MACROD2: variants seen among roughly 807,000 people sequenced by gnomAD.
MACROD2 encodes mono-ADP ribosylhydrolase 2, also known as ADP-ribose glycohydrolase MACROD2.
Under a neutral mutation model 70.4 loss-of-function variants are expected in MACROD2, and 36 were observed. The ratio of observed to expected loss-of-function variants is 0.51; its 90% CI spans 0.39 to 0.68. The LOEUF is 0.68. Ranked by LOEUF, MACROD2 falls within the 30% of genes least tolerant of loss-of-function variation. The probability of loss-of-function intolerance (pLI) is 0.00; values close to 1 mark genes in which losing one functional copy is unlikely to be tolerated. For missense variants in MACROD2, 496 were observed against 538.4 expected, an observed-to-expected ratio of 0.92 and a Z score of 0.78; for synonymous variants, 172 against 178.8, an observed-to-expected ratio of 0.96 and a Z score of 0.30.
At chr20:15,764,877 C>T (rs949421537) in intron 8 of MACROD2, among the ~76,000 whole-genome samples, 8 of 152,120 alleles carry the variant, frequency 5.3e-5, no homozygotes, top group African/African-American at 1.9e-4. Context: ...ATGATTTAGT[C>T]CCTGCTAATC....
intron 3 of MACROD2, chr20:14,325,767 A>G (rs780823484): frequency 6.2e-7 from 1 of 1,613,910 alleles, no homozygotes; most frequent in South Asian, 1.1e-5. Flanking sequence ...TGTCCTTCTT[A>G]GTGCCAGCTT....
chr20:14,515,471 A>ACGCGCGCGCGCGCG (rs1182346144), intron 4 of MACROD2, among the ~76,000 whole-genome samples: 39 of 99,868 alleles, frequency 3.9e-4, no homozygotes, highest in African/African-American at 1.4e-3. Context: ...ACACGCACAC[A>ACGCGCGCGCGCGCG]CACACACACA....
chr20:15,919,899 C>T (rs2065376998), intron 10 of MACROD2, among the ~76,000 whole-genome samples: 1 of 151,890 alleles, frequency 6.6e-6, no homozygotes, highest in Non-Finnish European at 1.5e-5. Context: ...AGTAAGACCC[C>T]AGTAAGACTT....
At chr20:14,222,612 C>T (rs1601366282) in intron 3 of MACROD2, among the ~76,000 whole-genome samples, 1 of 151,944 alleles carries the variant, frequency 6.6e-6, no homozygotes, top group African/African-American at 2.4e-5. Flanking sequence ...AATAAAATTG[C>T]ACTTATACCT....
intron 3 of MACROD2, among the ~76,000 whole-genome samples, chr20:14,351,635 G>T (rs976313284): frequency 1.3e-5 from 2 of 151,980 alleles, no homozygotes; most frequent in Non-Finnish European, 2.9e-5. Flanking sequence ...AATAGTTTTT[G>T]GTGGAGTGTT....
intron 6 of MACROD2, among the ~76,000 whole-genome samples, chr20:15,408,761 T>C (rs990855885): frequency 3.0e-4 from 45 of 152,222 alleles, no homozygotes; most frequent in African/African-American, 8.4e-4. Context: ...TATGGAGACT[T>C]GTCAATATTT....
chr20:14,482,948 C>G (rs401650), intron 3 of MACROD2, among the ~76,000 whole-genome samples: 145,096 of 152,228 alleles, frequency 0.95, 69,566 homozygotes, highest in East Asian at 1. Flanking sequence ...TACTTAACCT[C>G]TCCGTGTTCC....
At chr20:15,074,869 A>G (rs1254932828) in intron 5 of MACROD2, among the ~76,000 whole-genome samples, 1 of 152,178 alleles carries the variant, frequency 6.6e-6, no homozygotes, top group Non-Finnish European at 1.5e-5. Flanking sequence ...ATTCATATGG[A>G]ATGTCAGGCA....
chr20:14,693,915 T>C (rs1394563396), intron 5 of MACROD2, among the ~76,000 whole-genome samples: 1 of 152,224 alleles, frequency 6.6e-6, no homozygotes, highest in Non-Finnish European at 1.5e-5. Context: ...TTATTATTTG[T>C]AAAATACATG....
At chr20:14,994,375 G>C (rs1419988851) in intron 5 of MACROD2, among the ~76,000 whole-genome samples, 1 of 151,720 alleles carries the variant, frequency 6.6e-6, no homozygotes, top group African/African-American at 2.4e-5. Flanking sequence ...GAGTGTGTTA[G>C]GAAGGAAAAA....
intron 5 of MACROD2, among the ~76,000 whole-genome samples, chr20:14,892,031 A>T (rs905314619): frequency 6.6e-6 from 1 of 152,212 alleles, no homozygotes; most frequent in African/African-American, 2.4e-5. Flanking sequence ...AGAGTATTCT[A>T]TCATGTGACT....
At chr20:15,547,615 G>A (rs1465152988) in intron 8 of MACROD2, among the ~76,000 whole-genome samples, 2 of 152,158 alleles carry the variant, frequency 1.3e-5, no homozygotes, top group African/African-American at 4.8e-5. Flanking sequence ...TTCCCTGACT[G>A]AGAAAACTAA....
At chr20:14,639,396 TTA>T (rs1555810562) in intron 4 of MACROD2, among the ~76,000 whole-genome samples, 2 of 5,174 alleles carry the variant, frequency 3.9e-4, no homozygotes, top group Non-Finnish European at 6.1e-4. Flanking sequence ...TTTTGAAATG[TTA>T]TTATTATTTA....
At chr20:15,326,663 A>C (rs1359052622) in intron 6 of MACROD2, among the ~76,000 whole-genome samples, 1 of 152,132 alleles carries the variant, frequency 6.6e-6, no homozygotes, top group Non-Finnish European at 1.5e-5. Flanking sequence ...CATTTGGATA[A>C]GACAAGGATG....
chr20:14,892,192 G>T (rs954911047), intron 5 of MACROD2, among the ~76,000 whole-genome samples: 1 of 151,996 alleles, frequency 6.6e-6, no homozygotes, highest in South Asian at 2.1e-4. Flanking sequence ...CTAAATGTGG[G>T]CTGGCATGGT....
intron 3 of MACROD2, among the ~76,000 whole-genome samples, chr20:14,439,557 G>C (rs1463735080): frequency 6.6e-6 from 1 of 152,000 alleles, no homozygotes; most frequent in African/African-American, 2.4e-5. Flanking sequence ...ATTGAGTTGG[G>C]GTATGGATCA....
chr20:14,117,423 A>T (rs2054530670), intron 3 of MACROD2, among the ~76,000 whole-genome samples: 1 of 152,190 alleles, frequency 6.6e-6, no homozygotes, highest in Non-Finnish European at 1.5e-5. Context: ...CTTGCAGATA[A>T]CATTCTAAGG....
intron 5 of MACROD2, among the ~76,000 whole-genome samples, chr20:15,057,699 G>T (rs1284378272): frequency 6.6e-6 from 1 of 152,154 alleles, no homozygotes; most frequent in African/African-American, 2.4e-5. Context: ...TAGAAAGCAG[G>T]TGTCTGGGTG....
chr20:15,699,078 G>T (rs554740443), intron 8 of MACROD2, among the ~76,000 whole-genome samples: 1 of 152,146 alleles, frequency 6.6e-6, no homozygotes, highest in African/African-American at 2.4e-5. Context: ...TCTTTTTCAG[G>T]TAAGTCAAGG....
Sources: allele counts gnomAD v4.1 joint callset (sites outside exome capture counted in the v4.1 genomes callset), GRCh38; gene constraint gnomAD v4.1.1; transcripts MANE v1.5; gene names NCBI Gene and HGNC (gene_info 2026-07-23, HGNC 2026-07-21).